The following SOX6 variants were observed in gnomAD, a reference collection of about 807,000 sequenced individuals.
SOX6 encodes the protein SRY-box transcription factor 6.
Under a neutral mutation model 97.8 loss-of-function variants are expected in SOX6, and 11 were observed. The ratio of observed to expected loss-of-function variants is 0.11; its 90% CI spans 0.07 to 0.19. The LOEUF is 0.19. SOX6 is among the 10% of genes least tolerant of loss of function. SOX6 has a pLI of 1.00. For missense variants in SOX6, 810 were observed against 1,039.5 expected (o/e 0.78, Z 3.04); for synonymous variants, 360 against 371.4 (o/e 0.97, Z 0.35).
chr11:16,055,342 T>C, intron 10 of SOX6, among the ~76,000 whole-genome samples: 1 of 152,298 alleles, frequency 6.6e-6, no homozygotes, highest in South Asian at 2.1e-4. Context: ...TTTGCACTTC[T>C]TTTTAAATCT....
chr11:16,214,016 A>G (rs1852299648), intron 4 of SOX6, among the ~76,000 whole-genome samples: 1 of 152,222 alleles, frequency 6.6e-6, no homozygotes, highest in Admixed American at 6.5e-5. Context: ...ACACTGTCCA[A>G]TAGAGCTTTC....
chr11:16,447,521 GAAAC>G (rs1297817720), intron 1 of SOX6, among the ~76,000 whole-genome samples: 1 of 151,858 alleles, frequency 6.6e-6, no homozygotes, highest in East Asian at 1.9e-4. Flanking sequence ...TATAGAGAGA[GAAAC>G]AGAAAGAGAG....
chr11:16,148,526 T>C (rs1850374517), intron 6 of SOX6, among the ~76,000 whole-genome samples: 1 of 152,072 alleles, frequency 6.6e-6, no homozygotes, highest in Non-Finnish European at 1.5e-5. Flanking sequence ...TATGAAACCG[T>C]GTTGGACAAA....
chr11:16,235,578 G>A (rs1470119490), intron 3 of SOX6, among the ~76,000 whole-genome samples: 1 of 151,996 alleles, frequency 6.6e-6, no homozygotes, highest in Non-Finnish European at 1.5e-5. Flanking sequence ...AATCCTTAGT[G>A]CAAAGCATAC....
At chr11:16,597,472 C>A (rs1021582142) in intron 4 of SOX6, among the ~76,000 whole-genome samples, 3 of 151,662 alleles carry the variant, frequency 2.0e-5, no homozygotes, top group Non-Finnish European at 4.4e-5. Flanking sequence ...CATTACTTTT[C>A]CAAGGTCACA....
At chr11:16,263,044 A>G (rs1453885498) in intron 3 of SOX6, among the ~76,000 whole-genome samples, 1 of 151,936 alleles carries the variant, frequency 6.6e-6, no homozygotes, top group Non-Finnish European at 1.5e-5. Context: ...TGTCTTTGTC[A>G]CTGTAAGATG....
At chr11:16,486,685 A>C (rs2133129194) in intron 4 of SOX6, among the ~76,000 whole-genome samples, 1 of 152,164 alleles carries the variant, frequency 6.6e-6, no homozygotes, top group South Asian at 2.1e-4. Context: ...ACATGGTGAA[A>C]CCCCATCTCT....
intron 1 of SOX6, among the ~76,000 whole-genome samples, chr11:16,354,034 C>A (rs1857015600): frequency 6.6e-6 from 1 of 151,920 alleles, no homozygotes; most frequent in Non-Finnish European, 1.5e-5. Flanking sequence ...CTGCTTGCTA[C>A]CAGTCTTACC....
intron 3 of SOX6, among the ~76,000 whole-genome samples, chr11:16,260,396 T>C (rs1230896472): frequency 6.6e-6 from 1 of 152,280 alleles, no homozygotes; most frequent in South Asian, 2.1e-4. Flanking sequence ...ATAAATACCA[T>C]TTTTTTAAAG....
chr11:16,067,972 A>C (rs1848133120), intron 9 of SOX6, among the ~76,000 whole-genome samples: 1 of 152,188 alleles, frequency 6.6e-6, no homozygotes, highest in African/African-American at 2.4e-5. Context: ...ATTTATCCCC[A>C]TTTGCTATAG....
chr11:16,705,750 TAA>T, intron 3 of SOX6, among the ~76,000 whole-genome samples: 1 of 152,294 alleles, frequency 6.6e-6, no homozygotes, highest in East Asian at 1.9e-4. Context: ...CTATTGAAAT[TAA>T]GTTGGTAGTA....
chr11:16,723,180 A>T (rs1474205527), intron 2 of SOX6, among the ~76,000 whole-genome samples: 2 of 152,218 alleles, frequency 1.3e-5, no homozygotes, highest in African/African-American at 4.8e-5. Flanking sequence ...CTGCAGGAAT[A>T]TGAATAGAGC....
chr11:16,637,674 T>A (rs1453113740), intron 3 of SOX6, among the ~76,000 whole-genome samples: 1 of 152,226 alleles, frequency 6.6e-6, no homozygotes, highest in East Asian at 1.9e-4. Flanking sequence ...AGATGCCTTA[T>A]TTCCTTCTCA....
At chr11:16,224,151 G>A (rs543858688) in intron 4 of SOX6, among the ~76,000 whole-genome samples, 2 of 151,954 alleles carry the variant, frequency 1.3e-5, no homozygotes, top group South Asian at 4.1e-4. Context: ...TGAAATTTTT[G>A]AAACCAGGTA....
chr11:16,157,746 T>G (rs1378274779), intron 6 of SOX6, among the ~76,000 whole-genome samples: 4 of 152,034 alleles, frequency 2.6e-5, no homozygotes, highest in African/African-American at 9.6e-5. Flanking sequence ...ATTCCAGCCT[T>G]ACTGAGAAAT....
intron 3 of SOX6, among the ~76,000 whole-genome samples, chr11:16,670,850 CAA>C (rs748203758): frequency 5.5e-4 from 83 of 151,292 alleles, no homozygotes; most frequent in South Asian, 4.8e-3. Context: ...CCCAGGAGTG[CAA>C]AGCCATGAAC....
chr11:16,213,328 T>C (rs1852279232), intron 4 of SOX6, among the ~76,000 whole-genome samples: 1 of 152,108 alleles, frequency 6.6e-6, no homozygotes, highest in Non-Finnish European at 1.5e-5. Flanking sequence ...ATTTTTCTTC[T>C]TCTTTAGTAT....
At chr11:16,070,841 C>G (rs951889420) in intron 9 of SOX6, among the ~76,000 whole-genome samples, 1 of 152,180 alleles carries the variant, frequency 6.6e-6, no homozygotes, top group African/African-American at 2.4e-5. Flanking sequence ...TCCTAACCCC[C>G]TATATCCCTC....
chr11:16,160,296 A>G (rs947222301), intron 6 of SOX6, among the ~76,000 whole-genome samples: 4 of 152,200 alleles, frequency 2.6e-5, no homozygotes, highest in African/African-American at 9.7e-5. Context: ...CCCAAACTTC[A>G]CATCCATGTC....
Sources: allele counts gnomAD v4.1 joint callset (sites outside exome capture counted in the v4.1 genomes callset), GRCh38; gene constraint gnomAD v4.1.1; transcripts MANE v1.5; gene names NCBI Gene and HGNC (gene_info 2026-07-23, HGNC 2026-07-21).